ROBO2: variants seen among roughly 807,000 people sequenced by gnomAD.
The protein encoded by ROBO2 is roundabout guidance receptor 2.
A neutral mutation model predicts 160.8 loss-of-function variants in ROBO2; 53 were observed. That is an observed-to-expected ratio of 0.33 (90% CI 0.26 to 0.41). The LOEUF (loss-of-function observed/expected upper bound fraction) is 0.41, where lower values mean the gene tolerates loss of function less well. Ranked by LOEUF, ROBO2 falls within the 10% of genes least tolerant of loss-of-function variation. The pLI is 1.00. For synonymous variants in ROBO2, 664 were observed against 611.7 expected (o/e 1.09, Z -1.26); for missense variants, 1,577 against 1,722.4 (o/e 0.92, Z 1.49).
At chr3:77,482,500 T>C (rs1308324658) in intron 4 of ROBO2, among the ~76,000 whole-genome samples, 1 of 152,182 alleles carries the variant, frequency 6.6e-6, no homozygotes, top group African/African-American at 2.4e-5. Context: ...CACCAGGTAA[T>C]CTCTGGTAAC....
At chr3:77,049,898 A>G (rs1184731273) in intron 1 of ROBO2, among the ~76,000 whole-genome samples, 2 of 152,232 alleles carry the variant, frequency 1.3e-5, no homozygotes, top group African/African-American at 4.8e-5. Flanking sequence ...AACCAATTAA[A>G]ATGTTCATAA....
intron 2 of ROBO2, among the ~76,000 whole-genome samples, chr3:77,134,766 G>T (rs542309939): frequency 6.6e-6 from 1 of 152,300 alleles, no homozygotes; most frequent in South Asian, 2.1e-4. Flanking sequence ...CAAAGGAAAA[G>T]ATTGTGAAGG....
intron 2 of ROBO2, among the ~76,000 whole-genome samples, chr3:76,468,955 G>A (rs116966967): frequency 1.3e-5 from 2 of 152,050 alleles, no homozygotes; most frequent in East Asian, 3.9e-4. Context: ...TTCTAAAGGG[G>A]ATCTCTGACT....
At chr3:77,620,706 A>G (rs2094882860) in intron 22 of ROBO2, among the ~76,000 whole-genome samples, 1 of 152,158 alleles carries the variant, frequency 6.6e-6, no homozygotes, top group Non-Finnish European at 1.5e-5. Flanking sequence ...TCCTGTTAAC[A>G]TTGAGGTTGG....
chr3:75,911,555 T>TTTC (rs1946584103), intron 1 of ROBO2, among the ~76,000 whole-genome samples: 1 of 126,828 alleles, frequency 7.9e-6, no homozygotes, highest in Non-Finnish European at 1.6e-5. Context: ...CTTGTTTCTT[T>TTTC]TTTTTTTTTT....
At chr3:76,031,869 A>G (rs377210990) in intron 2 of ROBO2, among the ~76,000 whole-genome samples, 7 of 152,186 alleles carry the variant, frequency 4.6e-5, no homozygotes, top group Admixed American at 1.3e-4. Context: ...TCAGGATGAT[A>G]CTGGCCTCAT....
At chr3:76,983,860 G>C (rs2060228915) in intron 2 of ROBO2, among the ~76,000 whole-genome samples, 1 of 152,144 alleles carries the variant, frequency 6.6e-6, no homozygotes, top group Non-Finnish European at 1.5e-5. Flanking sequence ...CTTTCCTCAG[G>C]CTGCTATGGA....
intron 2 of ROBO2, among the ~76,000 whole-genome samples, chr3:75,940,480 A>G (rs72886598): frequency 6.6e-6 from 1 of 152,086 alleles, no homozygotes; most frequent in Non-Finnish European, 1.5e-5. Context: ...CCATTTTCCT[A>G]CTTCTGAGTT....
intron 2 of ROBO2, among the ~76,000 whole-genome samples, chr3:76,347,323 T>TA (rs1462190116): frequency 2.0e-5 from 3 of 152,248 alleles, no homozygotes; most frequent in African/African-American, 7.2e-5. Context: ...ATTTTTACTT[T>TA]AAGGAACAGA....
chr3:76,886,407 A>T (rs1435012731), intron 2 of ROBO2, among the ~76,000 whole-genome samples: 1 of 151,978 alleles, frequency 6.6e-6, no homozygotes, highest in Non-Finnish European at 1.5e-5. Context: ...TAAAAAAAAA[A>T]ACAACCTTTC....
chr3:77,267,136 T>C (rs961454105), intron 2 of ROBO2, among the ~76,000 whole-genome samples: 8 of 152,312 alleles, frequency 5.3e-5, no homozygotes, highest in African/African-American at 1.9e-4. Flanking sequence ...TTCAATGATG[T>C]TAACTATTGA....
chr3:76,388,062 T>G (rs2076975322), intron 2 of ROBO2, among the ~76,000 whole-genome samples: 1 of 152,128 alleles, frequency 6.6e-6, no homozygotes, highest in South Asian at 2.1e-4. Context: ...ATACTGTGGA[T>G]TAGGAGAACT....
At chr3:76,647,566 T>C (rs1315091658) in intron 2 of ROBO2, among the ~76,000 whole-genome samples, 2 of 152,298 alleles carry the variant, frequency 1.3e-5, no homozygotes, top group African/African-American at 2.4e-5. Flanking sequence ...ACCTTCTCAA[T>C]TAAACACAGG....
At chr3:76,480,353 G>A (rs1329973224) in intron 2 of ROBO2, among the ~76,000 whole-genome samples, 1 of 152,084 alleles carries the variant, frequency 6.6e-6, no homozygotes, top group Non-Finnish European at 1.5e-5. Flanking sequence ...GGTTGAATGA[G>A]CTCTGGGTGT....
chr3:76,632,833 C>T (rs895265484), intron 2 of ROBO2, among the ~76,000 whole-genome samples: 1 of 152,166 alleles, frequency 6.6e-6, no homozygotes, highest in Non-Finnish European at 1.5e-5. Context: ...AATGATCCAT[C>T]TCCTCATATA....
At chr3:77,576,646 A>C (rs984650002) in intron 14 of ROBO2, among the ~76,000 whole-genome samples, 6 of 152,150 alleles carry the variant, frequency 3.9e-5, no homozygotes, top group African/African-American at 1.4e-4. Context: ...GCCTTTTCTC[A>C]GTATGGTTGT....
intron 2 of ROBO2, among the ~76,000 whole-genome samples, chr3:76,828,809 T>C (rs563748216): frequency 6.6e-6 from 1 of 152,270 alleles, no homozygotes; most frequent in South Asian, 2.1e-4. Context: ...TCCAATAGCT[T>C]TCTAATCAAC....
chr3:77,635,075 G>A (rs113501106), intron 24 of ROBO2, 32 bp downstream of exon 25: 51 of 1,607,812 alleles, frequency 3.2e-5, no homozygotes, highest in African/African-American at 8.0e-5. Context: ...TTGTTTCCTC[G>A]CTGAAGAGAC....
At chr3:76,868,481 CTT>C (rs745838128) in intron 2 of ROBO2, among the ~76,000 whole-genome samples, 31 of 152,102 alleles carry the variant, frequency 2.0e-4, no homozygotes, top group Non-Finnish European at 3.8e-4. Flanking sequence ...TAGACAAACA[CTT>C]ATTTTTAGAC....
Sources: gnomAD v4.1 joint callset for allele counts (sites outside exome capture counted in the v4.1 genomes callset) on GRCh38, gnomAD v4.1.1 for gene constraint, MANE v1.5 for transcripts, NCBI Gene and HGNC (gene_info 2026-07-23, HGNC 2026-07-21) for gene names.